Variants in AGBL4 observed in about 807,000 individuals in gnomAD.
The protein encoded by AGBL4 is AGBL carboxypeptidase 4.
AGBL4 carries 58 observed loss-of-function variants against 66.4 expected under a neutral mutation model. The observed-to-expected ratio is 0.87, with a 90% CI of 0.71 to 1.09. AGBL4 has a LOEUF of 1.09. Among genes scored for constraint, AGBL4 ranks in the 50% least tolerant of loss-of-function variants. The pLI is 0.00. For synonymous variants in AGBL4, 234 were observed against 222.9 expected (o/e 1.05, Z -0.44); for missense variants, 579 against 631.0 (o/e 0.92, Z 0.88).
At chr1:48,604,465 T>C (rs930598484) in intron 9 of AGBL4, among the ~76,000 whole-genome samples, 1 of 152,164 alleles carries the variant, frequency 6.6e-6, no homozygotes, top group African/African-American at 2.4e-5. Context: ...GAAAAGAACG[T>C]TTCCCCCATG....
chr1:48,908,328 G>A (rs1324163150), intron 5 of AGBL4, among the ~76,000 whole-genome samples: 8 of 151,628 alleles, frequency 5.3e-5, no homozygotes, highest in East Asian at 1.9e-4. Context: ...CAAAAAATTC[G>A]GGGAAAAAAA....
chr1:48,984,187 G>C lies in AGBL4; in HGVS notation c.594+61397C>G, dbSNP rs111517299. On this transcript the variant is annotated intron_variant, in intron 5 of 13. Transcript: ENST00000371839. ...TGCTACAATCATGACAGGCAGTAGA[G>C]GATTAGAAGCCTGAAGATAAAGTTT... Among the ~76,000 whole-genome samples the C allele has an allele frequency of 2.0e-3, 305 of 152,032 alleles. 5 individuals carry two copies. Among genetic ancestry groups the C allele is most frequent in the African/African-American group, 6.8e-3 (282 of 41,500 alleles).
chr1:49,712,943 GAACA>G (rs1036285398), intron 2 of AGBL4, among the ~76,000 whole-genome samples: 1 of 151,938 alleles, frequency 6.6e-6, no homozygotes, highest in African/African-American at 2.4e-5. Flanking sequence ...CCTAAGCACA[GAACA>G]AACATTCAAT....
chr1:49,792,072 T>A (rs1424246058), intron 2 of AGBL4, among the ~76,000 whole-genome samples: 1 of 152,078 alleles, frequency 6.6e-6, no homozygotes, highest in African/African-American at 2.4e-5. Context: ...AAAATTTGCA[T>A]GCCCAGCAGC....
intron 4 of AGBL4, among the ~76,000 whole-genome samples, chr1:49,231,167 A>G (rs1390224989): frequency 6.6e-6 from 1 of 152,232 alleles, no homozygotes; most frequent in Non-Finnish European, 1.5e-5. Context: ...GAAGGATATT[A>G]TTGGTTCCAT....
chr1:49,414,194 T>TA (rs1292044215), intron 3 of AGBL4, among the ~76,000 whole-genome samples: 1 of 152,170 alleles, frequency 6.6e-6, no homozygotes, highest in Non-Finnish European at 1.5e-5. Context: ...TGTAGACACA[T>TA]ACACATATAT....
intron 2 of AGBL4, among the ~76,000 whole-genome samples, chr1:49,804,626 T>C (rs1644936611): frequency 6.6e-6 from 1 of 152,226 alleles, no homozygotes; most frequent in African/African-American, 2.4e-5. Context: ...GAAGGCTGAA[T>C]TTATTAAGTG....
chr1:49,044,700 T>A (rs926240027), intron 5 of AGBL4, among the ~76,000 whole-genome samples: 30 of 152,064 alleles, frequency 2.0e-4, no homozygotes, highest in Middle Eastern at 3.2e-3. Flanking sequence ...AGCACAGGGA[T>A]CCTTATAAGT....
At chr1:49,138,321 G>A (rs1646052317) in intron 4 of AGBL4, among the ~76,000 whole-genome samples, 1 of 152,056 alleles carries the variant, frequency 6.6e-6, no homozygotes, top group South Asian at 2.1e-4. Context: ...GAAGCTAATG[G>A]AGAAAAGTAT....
chr1:48,768,938 A>T (rs1644667299), intron 6 of AGBL4, among the ~76,000 whole-genome samples: 1 of 152,182 alleles, frequency 6.6e-6, no homozygotes, highest in South Asian at 2.1e-4. Context: ...TCAAGTTTCA[A>T]GGATTGTACC....
chr1:48,678,135 G>A (rs140386366), intron 6 of AGBL4, among the ~76,000 whole-genome samples: 18 of 152,222 alleles, frequency 1.2e-4, no homozygotes, highest in Admixed American at 9.8e-4. Context: ...GCCTGACAGC[G>A]CTAGGATGGT....
At chr1:49,566,063 G>A (rs1249870967) in intron 3 of AGBL4, among the ~76,000 whole-genome samples, 4 of 151,996 alleles carry the variant, frequency 2.6e-5, no homozygotes, top group South Asian at 2.1e-4. Flanking sequence ...GTCTTCCATC[G>A]CTGATACCCT....
chr1:49,366,358 T>C (rs533119118), intron 3 of AGBL4, among the ~76,000 whole-genome samples: 1 of 152,162 alleles, frequency 6.6e-6, no homozygotes, highest in Non-Finnish European at 1.5e-5. Context: ...CCTGGCACAA[T>C]GCCTTCAAAA....
At chr1:48,915,232 T>C (rs11205571) in intron 5 of AGBL4, among the ~76,000 whole-genome samples, 2,645 of 152,308 alleles carry the variant, frequency 0.017, 80 homozygotes, top group African/African-American at 0.057. Context: ...AAATCTTTTG[T>C]TGCATTTGGA....
intron 3 of AGBL4, among the ~76,000 whole-genome samples, chr1:49,553,623 G>A (rs577329814): frequency 1.2e-4 from 19 of 152,162 alleles, no homozygotes; most frequent in Admixed American, 4.6e-4. Flanking sequence ...TCAGCGAAAA[G>A]ACCCCAGAGA....
At chr1:49,724,990 A>T (rs1648906785) in intron 2 of AGBL4, among the ~76,000 whole-genome samples, 1 of 151,910 alleles carries the variant, frequency 6.6e-6, no homozygotes, top group Non-Finnish European at 1.5e-5. Context: ...TGAAGAAATG[A>T]GGAAAGGAGA....
At chr1:49,252,304 T>G (rs1282309184) in intron 3 of AGBL4, among the ~76,000 whole-genome samples, 1 of 151,894 alleles carries the variant, frequency 6.6e-6, no homozygotes, top group African/African-American at 2.4e-5. Flanking sequence ...AGAGGAAGGA[T>G]TCTCAGAGCC....
intron 3 of AGBL4, among the ~76,000 whole-genome samples, chr1:49,390,176 C>A (rs2148590542): frequency 6.6e-6 from 1 of 152,214 alleles, no homozygotes; most frequent in Middle Eastern, 3.4e-3. Flanking sequence ...TATGTTCATG[C>A]AACAAAAATA....
chr1:49,751,254 T>G (rs1359386266), intron 2 of AGBL4, among the ~76,000 whole-genome samples: 2 of 152,174 alleles, frequency 1.3e-5, no homozygotes, highest in African/African-American at 4.8e-5. Context: ...TGAGATACAT[T>G]CCATCAATAC....
Sources: allele counts gnomAD v4.1 joint callset (sites outside exome capture counted in the v4.1 genomes callset), GRCh38; gene constraint gnomAD v4.1.1; transcripts MANE v1.5; gene names NCBI Gene and HGNC (gene_info 2026-07-23, HGNC 2026-07-21).